Variants in UBL7 observed in about 807,000 individuals in gnomAD.
UBL7 encodes the protein ubiquitin like 7, also known as ubiquitin-like protein 7.
Under a neutral mutation model 41.7 loss-of-function variants are expected in UBL7, and 21 were observed. That is an observed-to-expected ratio of 0.50 (90% confidence interval 0.36 to 0.73). The LOEUF (loss-of-function observed/expected upper bound fraction) is 0.73, where lower values mean the gene tolerates loss of function less well. Among genes scored for constraint, UBL7 ranks in the 30% least tolerant of loss-of-function variants. UBL7 has a pLI of 0.00. For synonymous variants in UBL7, 157 were observed against 186.9 expected (o/e 0.84, Z 1.31); for missense variants, 403 against 478.4 (o/e 0.84, Z 1.47).
chr15:74,452,031 A>C (rs2061251364), intron 4 of UBL7, among the ~76,000 whole-genome samples: 1 of 152,214 alleles, frequency 6.6e-6, no homozygotes. Flanking sequence ...AATGAGGCCC[A>C]GCAGAAACAG....
At position 74,446,002 on chromosome 15, in the gene UBL7, G is replaced by GT. The variant is rs1200854908; in HGVS notation, c.*87_*88insA. The GT allele has an allele frequency of 8.7e-5, 133 of 1,528,910 alleles. No individual in the cohort carries two copies. The highest frequency in any genetic ancestry group is 1.1e-4 in the Non-Finnish European group (125 of 1,130,760). 94.7% of individuals were successfully genotyped at this position (1,528,910 alleles called of 1,614,324 possible). ...GAGAGTTGACCATCAGGTATATTGGGGAAGGGAGAGATGGAGGCACCTTCA... is the reference window on the plus strand; with the variant it reads ...GAGAGTTGACCATCAGGTATATTGGGTGAAGGGAGAGATGGAGGCACCTTCA... On this transcript the variant is annotated 3_prime_UTR_variant, in exon 11 of 11. Transcript: ENST00000395081. This position sits in a 1 kb window ranked among gnomAD's most constrained non-coding sequence, Gnocchi z 4.1.
At position 74,448,537 on chromosome 15, in the gene UBL7, C is replaced by A; in HGVS notation, c.946G>T (p.Asp316Tyr). Reference protein sequence around the residue: ...GVQSGTPITNDLFSQALQHAL... With the variant: ...GVQSGTPITNYLFSQALQHAL... ...TGCTGTAGGGCTTGGCTGAAGAGAT[C>A]ATTGGTGATGGGCGTCCCTGACTGG... is the stretch of plus-strand genomic sequence containing the variant. Residue 316 changes from aspartate (D) to tyrosine (Y), a missense_variant, in exon 10 of 11, where the codon GAT becomes TAT. Transcript: ENST00000395081. The A allele has an allele frequency of 6.2e-7, 1 of 1,614,172 alleles. No individual in the cohort carries two copies. The highest frequency in any genetic ancestry group is 8.5e-7 in the Non-Finnish European group (1 of 1,180,006).
intron 1 of UBL7, among the ~76,000 whole-genome samples, chr15:74,459,519 G>A (rs1192452160): frequency 6.8e-6 from 1 of 147,144 alleles, no homozygotes; most frequent in Admixed American, 6.8e-5. Flanking sequence ...GGGTTTCACT[G>A]TGTTAGCCAG....
At chr15:74,449,712 G>C in intron 7 of UBL7, 37 bp from the exon 8 acceptor site, 3 of 1,613,424 alleles carry the variant, frequency 1.9e-6, no homozygotes, top group Non-Finnish European at 2.5e-6. Flanking sequence ...AGGAAGAACA[G>C]AAAGGCACAG....
Position 74,461,115 on chromosome 15 carries a change from G to A in UBL7, c.-108C>T. Reference sequence around the variant, plus strand: ...GGGCCCCAGCGCCCTCACCCGTCCCGCGGAAGGAACCCGGCCGCACTGCCG... The same window carrying A: ...GGGCCCCAGCGCCCTCACCCGTCCCACGGAAGGAACCCGGCCGCACTGCCG... On this transcript the variant is annotated 5_prime_UTR_variant, in exon 1 of 11. Coordinates refer to ENST00000395081, the MANE Select transcript of UBL7 (RefSeq NM_032907.5). 1 of 997,724 alleles carries A rather than the reference G, an allele frequency of 1.0e-6. No homozygotes were observed. The highest frequency in any genetic ancestry group is 1.7e-5 in the African/African-American group (1 of 57,452). The allele number at this position is 997,724 out of a possible 1,614,324, so 61.8% of individuals were successfully genotyped here.
intron 6 of UBL7, among the ~76,000 whole-genome samples, chr15:74,450,544 C>G (rs2061234046): frequency 6.6e-6 from 1 of 152,194 alleles, no homozygotes; most frequent in Non-Finnish European, 1.5e-5. Context: ...TGAAAAGCTC[C>G]CTAATTTCTA....
chr15:74,448,854 C>T (rs2061211596), intron 9 of UBL7, among the ~76,000 whole-genome samples: 1 of 152,130 alleles, frequency 6.6e-6, no homozygotes, highest in South Asian at 2.1e-4. Flanking sequence ...GAGAGATGGC[C>T]TTGAAAGCTG....
Position 74,458,621 on chromosome 15 carries a change from C to T in UBL7, c.184+63G>A, listed in dbSNP as rs541636086. On this transcript the variant is annotated intron_variant, in intron 2 of 10. Coordinates refer to ENST00000395081, the MANE Select transcript of UBL7 (RefSeq NM_032907.5). ...AGCCCTTACTTTACTCTTGTAATTCCAGAAGTATCCTCCCCCAAAAGAGAT... is the reference window on the plus strand; with the variant it reads ...AGCCCTTACTTTACTCTTGTAATTCTAGAAGTATCCTCCCCCAAAAGAGAT... 28 of 1,443,848 alleles carry T rather than the reference C, an allele frequency of 1.9e-5. No homozygotes were observed. The African/African-American group carries it at 3.2e-4, about 17-fold the overall frequency. The allele number at this position is 1,443,848 out of a possible 1,614,324, so 89.4% of individuals were successfully genotyped here. A position where few individuals can be genotyped will look rare whatever the true frequency, so the allele number is the denominator to read the frequency against.
intron 10 of UBL7, among the ~76,000 whole-genome samples, chr15:74,447,153 T>C (rs1026153425): frequency 6.6e-6 from 1 of 152,338 alleles, no homozygotes; most frequent in South Asian, 2.1e-4. Context: ...TGTTCACGAA[T>C]CCTGCTTCTG....
At chr15:74,459,650 A>C (rs898060893) in intron 1 of UBL7, among the ~76,000 whole-genome samples, 1 of 151,568 alleles carries the variant, frequency 6.6e-6, no homozygotes, top group African/African-American at 2.4e-5. Flanking sequence ...GATCTGACCA[A>C]GTCACTTCTC....
chr15:74,454,862 T>C (rs988468138), intron 3 of UBL7, among the ~76,000 whole-genome samples: 1 of 152,154 alleles, frequency 6.6e-6, no homozygotes, highest in Non-Finnish European at 1.5e-5. Context: ...TAGAGCAAGG[T>C]GGAAGCTGTA....
chr15:74,456,297 G>C (rs1246317120), intron 3 of UBL7, among the ~76,000 whole-genome samples: 1 of 152,062 alleles, frequency 6.6e-6, no homozygotes, highest in Non-Finnish European at 1.5e-5. Context: ...GAGTGAGACT[G>C]TCTCAAAAAA....
At chr15:74,448,357 C>T (rs556692916) in intron 10 of UBL7, 121 bp downstream of exon 10, 2 of 1,486,512 alleles carry the variant, frequency 1.3e-6, no homozygotes, top group African/African-American at 2.8e-5. Context: ...CACTGCCATG[C>T]TCCAGCTGTT....
intron 10 of UBL7, among the ~76,000 whole-genome samples, chr15:74,447,460 T>C (rs2061194351): frequency 6.6e-6 from 1 of 152,118 alleles, no homozygotes; most frequent in Non-Finnish European, 1.5e-5. Flanking sequence ...CCCAGAACTC[T>C]GGGAGGCTAA....
At chr15:74,457,252 C>T (rs554051701) in intron 2 of UBL7, among the ~76,000 whole-genome samples, 1 of 152,104 alleles carries the variant, frequency 6.6e-6, no homozygotes, top group African/African-American at 2.4e-5. Flanking sequence ...TGGGCCATGG[C>T]GAAAATTAGG....
Position 74,459,889 on chromosome 15 carries a change from C to T in UBL7, c.-29-993G>A, listed in dbSNP as rs1334649430. On this transcript the variant is annotated intron_variant, in intron 1 of 10. Coordinates refer to ENST00000395081, the MANE Select transcript of UBL7 (RefSeq NM_032907.5). ...CTGAGGTTGCAGTGAGCCAAGATCA[C>T]GTCACTGCACTCCAGCCTGGGTGAC... Among the ~76,000 whole-genome samples the T allele has an allele frequency of 3.8e-5, 5 of 130,572 alleles. 1 individual carries two copies. Among genetic ancestry groups the T allele is most frequent in the East Asian group, 4.6e-4 (2 of 4,348 alleles). 85.7% of individuals were successfully genotyped at this position (130,572 alleles called of 152,430 possible).
rs2061312812 is a variant in UBL7 at position 74,458,335 on chromosome 15, G to T, written c.184+349C>A. 2.0e-5 allele frequency among the ~76,000 whole-genome samples: 3 copies of T among 152,132 alleles called. No homozygotes were observed. The South Asian group carries it at 6.2e-4, about 31-fold the overall frequency. ...TAATCCCAGCTACTCGGGAGGCTGA[G>T]GCAGAATTGCTTGAACTGGGACCCA... On this transcript the variant is annotated intron_variant, in intron 2 of 10. Transcript: ENST00000395081.
At chr15:74,451,613 T>C in intron 4 of UBL7, 93 bp from the exon 5 acceptor site, 1 of 912,406 alleles carries the variant, frequency 1.1e-6, no homozygotes. Context: ...TCCCTCTAAG[T>C]GCTTGCATGT....
At position 74,446,918 on chromosome 15, in the gene UBL7, G is replaced by A. The variant is rs890787413; in HGVS notation, c.1006-691C>T. 8.5e-5 allele frequency among the ~76,000 whole-genome samples: 13 copies of A among 152,062 alleles called. No homozygotes were observed. Among genetic ancestry groups the A allele is most frequent in the African/African-American group, 2.9e-4 (12 of 41,404 alleles). On this transcript the variant is annotated intron_variant, in intron 10 of 10. Transcript: ENST00000395081. This position sits in a 1 kb window ranked among gnomAD's most constrained non-coding sequence, Gnocchi z 4.1. Reference sequence around the variant, plus strand: ...ACAGCAGGGATGAGCACAATTTAGGGAAAACAACGTGTTCACATGTGGGAA... The same window carrying A: ...ACAGCAGGGATGAGCACAATTTAGGAAAAACAACGTGTTCACATGTGGGAA...
Sources: allele counts gnomAD v4.1 joint callset (sites outside exome capture counted in the v4.1 genomes callset), GRCh38; gene constraint gnomAD v4.1.1; non-coding constraint Gnocchi (gnomAD v3.1); transcripts MANE v1.5; gene names NCBI Gene and HGNC (gene_info 2026-07-23, HGNC 2026-07-21).